The following PIAS2 variants were observed in gnomAD, a reference collection of about 807,000 sequenced individuals.
The protein encoded by PIAS2 is protein inhibitor of activated STAT 2, also known as E3 SUMO-protein ligase PIAS2.
In PIAS2, 19 loss-of-function variants were observed where a neutral mutation model predicts 69.7. The ratio of observed to expected loss-of-function variants is 0.27; its 90% CI spans 0.19 to 0.40. PIAS2 has a LOEUF of 0.40. Ranked by LOEUF, PIAS2 falls within the 10% of genes least tolerant of loss-of-function variation. The probability of loss-of-function intolerance (pLI) is 1.00; values close to 1 mark genes in which losing one functional copy is unlikely to be tolerated. For synonymous variants in PIAS2, 261 were observed against 263.2 expected (o/e 0.99, Z 0.08); for missense variants, 624 against 757.0 (o/e 0.82, Z 2.06).
At chr18:46,833,647 T>C (rs1269975079) in intron 9 of PIAS2, among the ~76,000 whole-genome samples, 3 of 152,200 alleles carry the variant, frequency 2.0e-5, no homozygotes, top group Non-Finnish European at 4.4e-5. Context: ...CAAGTGAACA[T>C]GGCAGAATGT....
intron 2 of PIAS2, among the ~76,000 whole-genome samples, chr18:46,881,481 C>A (rs1485183527): frequency 6.6e-6 from 1 of 152,120 alleles, no homozygotes; most frequent in Non-Finnish European, 1.5e-5. Flanking sequence ...CTATTTATTT[C>A]TAAAATAAAC....
chr18:46,828,274 C>A (rs1279638372), intron 10 of PIAS2, 144 bp from the exon 11 acceptor site: 2 of 622,014 alleles, frequency 3.2e-6, no homozygotes, highest in African/African-American at 1.8e-5. Flanking sequence ...TGGACAAATA[C>A]CAACTCCCTA....
upstream of PIAS2, among the ~76,000 whole-genome samples, chr18:46,918,319 C>G (rs1047837599): frequency 6.6e-6 from 1 of 152,162 alleles, no homozygotes; most frequent in African/African-American, 2.4e-5. Context: ...AACCCACACA[C>G]GAGAGGTCTT....
chr18:46,813,515 CAA>C (rs1205655829), intron 13 of PIAS2, among the ~76,000 whole-genome samples: 1 of 152,140 alleles, frequency 6.6e-6, no homozygotes, highest in African/African-American at 2.4e-5. Flanking sequence ...TGATATCCTG[CAA>C]GAGATGGTTT....
chr18:46,877,285 A>C (rs1220098340), intron 2 of PIAS2, among the ~76,000 whole-genome samples: 1 of 152,246 alleles, frequency 6.6e-6, no homozygotes, highest in Non-Finnish European at 1.5e-5. Flanking sequence ...TATAAAAATC[A>C]AAAGAAGGGA....
Position 46,815,296 on chromosome 18 carries a change from A to T in PIAS2, c.1686+16T>A. The T allele has an allele frequency of 6.2e-7, 1 of 1,607,430 alleles. No homozygotes were observed. Among genetic ancestry groups the T allele is most frequent in the Non-Finnish European group, 8.5e-7 (1 of 1,175,004 alleles). On this transcript the variant is annotated intron_variant, in intron 13 of 13. Transcript: ENST00000585916. ...CAATCAAATACAAATTAGTTGCTTA[A>T]ATTCAGGATACATACCTGGGGATCA... is the stretch of plus-strand genomic sequence containing the variant.
intron 2 of PIAS2, among the ~76,000 whole-genome samples, chr18:46,889,946 G>A (rs1406919660): frequency 6.6e-6 from 1 of 152,186 alleles, no homozygotes; most frequent in African/African-American, 2.4e-5. Context: ...GGGATGAGTA[G>A]TGGAGTGAGC....
intron 2 of PIAS2, among the ~76,000 whole-genome samples, chr18:46,872,507 C>T (rs1464606377): frequency 1.3e-5 from 2 of 152,176 alleles, no homozygotes; most frequent in African/African-American, 2.4e-5. Flanking sequence ...ATGCTTGCTC[C>T]AATACGTGGA....
At chr18:46,904,913 T>TA (rs2056399296) in intron 1 of PIAS2, among the ~76,000 whole-genome samples, 2 of 152,182 alleles carry the variant, frequency 1.3e-5, no homozygotes, top group Admixed American at 1.3e-4. Context: ...AAATATGGTT[T>TA]AAAAATCGAT....
chr18:46,862,666 TACACACATATATATAC>T (rs2145582021), intron 3 of PIAS2, among the ~76,000 whole-genome samples: 2 of 151,930 alleles, frequency 1.3e-5, no homozygotes, highest in East Asian at 3.9e-4. Flanking sequence ...CACATATATA[TACACACATATATATAC>T]ACACACACAT....
chr18:46,863,480 G>A (rs1415421047), intron 3 of PIAS2, among the ~76,000 whole-genome samples: 1 of 151,814 alleles, frequency 6.6e-6, no homozygotes, highest in Non-Finnish European at 1.5e-5. Context: ...TGTATTTCTT[G>A]TAGAGACAGG....
intron 1 of PIAS2, among the ~76,000 whole-genome samples, chr18:46,904,454 A>G (rs980882070): frequency 6.6e-6 from 1 of 152,178 alleles, no homozygotes; most frequent in African/African-American, 2.4e-5. Flanking sequence ...ACAAAAAAAG[A>G]AAAATAACCT....
At chr18:46,835,644 C>G (rs1290193783) in intron 9 of PIAS2, among the ~76,000 whole-genome samples, 1 of 152,020 alleles carries the variant, frequency 6.6e-6, no homozygotes, top group African/African-American at 2.4e-5. Context: ...ATACTTTTCA[C>G]TATATATTGA....
intron 1 of PIAS2, chr18:46,903,778 T>C (rs2056220372): frequency 6.6e-6 from 1 of 152,228 alleles, no homozygotes. Context: ...CTTTATAGCA[T>C]TTTTATTCAT....
intron 3 of PIAS2, among the ~76,000 whole-genome samples, chr18:46,858,613 A>ACTT (rs1162437752): frequency 6.6e-6 from 1 of 152,150 alleles, no homozygotes; most frequent in African/African-American, 2.4e-5. Context: ...GGGAGGATCA[A>ACTT]TTGAGCCCGG....
intron 11 of PIAS2, among the ~76,000 whole-genome samples, chr18:46,822,394 C>G (rs1327379590): frequency 6.6e-6 from 1 of 152,064 alleles, no homozygotes; most frequent in Non-Finnish European, 1.5e-5. Flanking sequence ...ATAACATAAG[C>G]CTGGTATTTG....
At chr18:46,815,737 AT>A in intron 12 of PIAS2, 1 of 1,000,716 alleles carries the variant, frequency 1.0e-6, no homozygotes, top group Non-Finnish European at 1.2e-6. Flanking sequence ...TTTCACATTT[AT>A]TTTTCAGAAA....
At chr18:46,820,713 A>G (rs1370685603) in intron 12 of PIAS2, among the ~76,000 whole-genome samples, 1 of 152,128 alleles carries the variant, frequency 6.6e-6, no homozygotes, top group Non-Finnish European at 1.5e-5. Context: ...AACATTTCCT[A>G]TTCTACTATA....
chr18:46,813,654 G>A (rs2041208771), intron 13 of PIAS2, among the ~76,000 whole-genome samples: 1 of 152,154 alleles, frequency 6.6e-6, no homozygotes, highest in Admixed American at 6.6e-5. Context: ...AAGTCAAGTT[G>A]TTTAGACTAC....
Sources: gnomAD v4.1 joint callset for allele counts (sites outside exome capture counted in the v4.1 genomes callset) on GRCh38, gnomAD v4.1.1 for gene constraint, MANE v1.5 for transcripts, NCBI Gene and HGNC (gene_info 2026-07-23, HGNC 2026-07-21) for gene names.